The following CHD9 variants were observed in gnomAD, a reference collection of about 807,000 sequenced individuals.
CHD9 encodes chromodomain helicase DNA binding protein 9.
Under a neutral mutation model 316.1 loss-of-function variants are expected in CHD9, and 77 were observed. The ratio of observed to expected loss-of-function variants is 0.24; its 90% CI spans 0.20 to 0.29. CHD9 has a LOEUF of 0.29. Ranked by LOEUF, CHD9 falls within the 10% of genes least tolerant of loss-of-function variation. The pLI is 1.00. For synonymous variants in CHD9, 1,129 were observed against 1,158.3 expected (o/e 0.97, Z 0.51); for missense variants, 2,763 against 3,438.1 (o/e 0.80, Z 4.91).
At chr16:53,065,989 A>C (rs888903302) in intron 1 of CHD9, among the ~76,000 whole-genome samples, 6 of 152,172 alleles carry the variant, frequency 3.9e-5, no homozygotes, top group African/African-American at 1.4e-4. Flanking sequence ...TGTTGCGTGC[A>C]GTTCACTGAT....
At chr16:53,229,477 A>G (rs1327313540) in intron 8 of CHD9, among the ~76,000 whole-genome samples, 4 of 152,240 alleles carry the variant, frequency 2.6e-5, no homozygotes, top group Non-Finnish European at 5.9e-5. Flanking sequence ...CATATTTTCT[A>G]TACTAGCTTC....
rs1479729281 is a variant in CHD9, at chr16:53,156,516, C to G, written c.427C>G (p.Gln143Glu). 2 of 1,613,812 alleles carry G rather than the reference C, an allele frequency of 1.2e-6. No homozygotes were observed. Among genetic ancestry groups the G allele is most frequent in the Admixed American group, 3.3e-5 (2 of 60,002 alleles). ...ISNQNGSPFH[Q>E]QGHSHSMHQN... is the part of the protein sequence containing the mutation. ...AAATCAAAATGGATCTCCTTTTCAC[C>G]AACAAGGACATTCACACTCTATGCA... Residue 143 changes from glutamine to glutamate, a missense_variant, in exon 2 of 39, where the codon CAA becomes GAA. Coordinates refer to ENST00000447540, the MANE Select transcript of CHD9 (RefSeq NM_001308319.2).
At chr16:53,122,927 C>T (rs2038808328) in intron 1 of CHD9, among the ~76,000 whole-genome samples, 1 of 150,636 alleles carries the variant, frequency 6.6e-6, no homozygotes, top group African/African-American at 2.4e-5. Context: ...CTGTGTTAGC[C>T]AGGATGGTCT....
chr16:53,074,637 G>A (rs2034371580), intron 1 of CHD9, among the ~76,000 whole-genome samples: 1 of 152,180 alleles, frequency 6.6e-6, no homozygotes, highest in Admixed American at 6.5e-5. Flanking sequence ...GTAGAGCTTG[G>A]GCCATGGCTT....
chr16:53,149,334 A>G (rs78802003), intron 1 of CHD9, among the ~76,000 whole-genome samples: 2,504 of 152,258 alleles, frequency 0.016, 81 homozygotes, highest in African/African-American at 0.057. Flanking sequence ...TGGTCTATCT[A>G]TTATTGAAAA....
At chr16:53,193,013 T>C (rs1042594377) in intron 2 of CHD9, among the ~76,000 whole-genome samples, 1 of 149,534 alleles carries the variant, frequency 6.7e-6, no homozygotes, top group Non-Finnish European at 1.5e-5. Flanking sequence ...CTGAGGGTCA[T>C]ATGTTGAGTG....
rs778739195 is a variant in CHD9, at chr16:53,267,284, T to C, written c.4321-10T>C. On this transcript the variant is annotated splice_polypyrimidine_tract_variant and intron_variant, in intron 20 of 38. Coordinates refer to ENST00000447540, the MANE Select transcript of CHD9 (RefSeq NM_001308319.2). ...AAGTACCTTCAGGTAATAGCAGTTC[T>C]GTTTTACAGAACAGCTTGGTTATTG... is the stretch of plus-strand genomic sequence containing the variant. The C allele has an allele frequency of 1.9e-6, 3 of 1,581,790 alleles. No individual in the cohort carries two copies. The highest frequency in any genetic ancestry group is 2.3e-5 in the East Asian group (1 of 44,038).
At chr16:53,130,308 A>T (rs2152677131) in intron 1 of CHD9, among the ~76,000 whole-genome samples, 1 of 152,240 alleles carries the variant, frequency 6.6e-6, no homozygotes, top group East Asian at 1.9e-4. Flanking sequence ...AGAACGTGGG[A>T]CTAAATCCAC....
chr16:53,263,077 A>G lies in CHD9; in HGVS notation c.4300A>G (p.Ile1434Val). Reference protein sequence around the residue: ...QKWAKKAEIDIEAISGRNSLV... With the variant: ...QKWAKKAEIDVEAISGRNSLV... Reference sequence around the variant, plus strand: ...ATGGGCTAAAAAGGCAGAAATAGATATAGAGGCCATCAGTGGCAGAGTAAG... The same window carrying G: ...ATGGGCTAAAAAGGCAGAAATAGATGTAGAGGCCATCAGTGGCAGAGTAAG... Residue 1434 changes from isoleucine (I) to valine (V), a missense_variant, in exon 20 of 39, where the codon ATA becomes GTA. By Grantham distance (29) the Ile-to-Val change is conservative. Around this residue, in one of 15 missense-constraint regions of CHD9, gnomAD observed 199 missense variants for 251.7 expected, o/e 0.79. Coordinates refer to ENST00000447540, the MANE Select transcript of CHD9 (RefSeq NM_001308319.2). 1 of 1,611,964 alleles carries G rather than the reference A, an allele frequency of 6.2e-7. No homozygotes were observed.
chr16:53,202,362 A>G (rs1439606699), intron 2 of CHD9, among the ~76,000 whole-genome samples: 1 of 149,984 alleles, frequency 6.7e-6, no homozygotes, highest in Non-Finnish European at 1.5e-5. Context: ...CACATGTTGC[A>G]TTTTGTTGAG....
At chr16:53,280,694 AG>A (rs1172301417) in intron 24 of CHD9, among the ~76,000 whole-genome samples, 1 of 152,072 alleles carries the variant, frequency 6.6e-6, no homozygotes, top group East Asian at 1.9e-4. Flanking sequence ...AAAAAAAAAA[AG>A]AAATTTGTCT....
intron 7 of CHD9, 33 bp downstream of exon 7, chr16:53,227,636 A>T: frequency 1.5e-6 from 1 of 657,124 alleles, no homozygotes; most frequent in Non-Finnish European, 2.3e-6. Context: ...TAAAAGAAAG[A>T]TGTTGATTTA....
intron 27 of CHD9, 76 bp from the exon 28 acceptor site, chr16:53,291,649 G>A: frequency 1.0e-6 from 1 of 991,304 alleles, no homozygotes; most frequent in Non-Finnish European, 1.5e-6. Context: ...TTATAAAGAA[G>A]TTTGATTCTC....
rs182671876 is a variant in CHD9 at position 53,248,491 on chromosome 16, T to G, written c.3665+988T>G. The stretch of plus-strand genomic sequence containing the variant: ...GCTATAGATTTTTTATTTTATTTTT[T>G]TTTGTTTGTTTTTGCTTTGTTGGTT... On this transcript the variant is annotated intron_variant, in intron 16 of 38. Coordinates refer to ENST00000447540, the MANE Select transcript of CHD9 (RefSeq NM_001308319.2). 1.5e-3 allele frequency among the ~76,000 whole-genome samples: 231 copies of G among 151,380 alleles called. 1 individual carries two copies. Among genetic ancestry groups the G allele is most frequent in the African/African-American group, 5.2e-3 (215 of 41,352 alleles).
intron 1 of CHD9, among the ~76,000 whole-genome samples, chr16:53,153,104 G>C (rs529713719): frequency 2.0e-5 from 3 of 152,174 alleles, no homozygotes; most frequent in Non-Finnish European, 2.9e-5. Flanking sequence ...CTTGTATTTC[G>C]TTATGTGAAG....
intron 3 of CHD9, among the ~76,000 whole-genome samples, chr16:53,212,121 G>T (rs994234809): frequency 2.0e-5 from 3 of 152,134 alleles, no homozygotes; most frequent in African/African-American, 7.2e-5. Context: ...AAAATTAATG[G>T]CTGGGCGCGG....
At chr16:53,057,158 T>A (rs1262591611) in intron 1 of CHD9, among the ~76,000 whole-genome samples, 1 of 151,766 alleles carries the variant, frequency 6.6e-6, no homozygotes, top group East Asian at 1.9e-4. Flanking sequence ...ATTTTAAAAA[T>A]TATATAATTA....
chr16:53,119,737 C>T (rs2152648700), intron 1 of CHD9, among the ~76,000 whole-genome samples: 1 of 152,178 alleles, frequency 6.6e-6, no homozygotes, highest in Middle Eastern at 3.4e-3. Context: ...GAGGCTGAGG[C>T]AGGATAATTG....
chr16:53,143,779 T>C (rs1377702369), intron 1 of CHD9, among the ~76,000 whole-genome samples: 4 of 152,198 alleles, frequency 2.6e-5, no homozygotes, highest in Admixed American at 1.3e-4. Flanking sequence ...TGGATAAATA[T>C]TACAAGTTGG....
Sources: gnomAD v4.1 joint callset for allele counts (sites outside exome capture counted in the v4.1 genomes callset) on GRCh38, gnomAD v4.1.1 for gene constraint, gnomAD v4.1.1 regional missense constraint, MANE v1.5 for transcripts, NCBI Gene and HGNC (gene_info 2026-07-23, HGNC 2026-07-21) for gene names.